Variants in CRTC1 observed in about 807,000 individuals in gnomAD.
CRTC1 encodes the protein CREB-regulated transcription coactivator 1.
Under a neutral mutation model 66.1 loss-of-function variants are expected in CRTC1, and 18 were observed. The ratio of observed to expected loss-of-function variants is 0.27; its 90% CI spans 0.19 to 0.40. The LOEUF is 0.40. Among genes scored for constraint, CRTC1 ranks in the 10% least tolerant of loss-of-function variants. The pLI is 1.00. For missense variants in CRTC1, 669 were observed against 887.9 expected (o/e 0.75, Z 3.13); for synonymous variants, 416 against 398.8 (o/e 1.04, Z -0.51).
chr19:18,714,168 G>A (rs2053453909), intron 1 of CRTC1, among the ~76,000 whole-genome samples: 1 of 152,212 alleles, frequency 6.6e-6, no homozygotes, highest in African/African-American at 2.4e-5. Context: ...GCTAGGGTTT[G>A]GGGTGCCCCA....
chr19:18,737,510 A>T (rs999308722), intron 1 of CRTC1, among the ~76,000 whole-genome samples: 1 of 152,064 alleles, frequency 6.6e-6, no homozygotes, highest in Non-Finnish European at 1.5e-5. Flanking sequence ...CAGTTTTCCC[A>T]TCTGGAGAGT....
At chr19:18,719,925 C>T (rs904021503) in intron 1 of CRTC1, among the ~76,000 whole-genome samples, 7 of 152,222 alleles carry the variant, frequency 4.6e-5, no homozygotes, top group African/African-American at 9.6e-5. Context: ...TGGGCAGCGT[C>T]GGCGTCGGGC....
At chr19:18,773,918 G>C (rs1303876946) in intron 11 of CRTC1, among the ~76,000 whole-genome samples, 1 of 152,174 alleles carries the variant, frequency 6.6e-6, no homozygotes, top group Non-Finnish European at 1.5e-5. Context: ...GGAACAAAGG[G>C]GATCTCTCTA....
At position 18,741,920 on chromosome 19, in the gene CRTC1, C is replaced by T. The variant is rs1025922727; in HGVS notation, c.127-990C>T. Among the ~76,000 whole-genome samples the T allele has an allele frequency of 1.3e-5, 2 of 152,098 alleles. No individual in the cohort carries two copies. The highest frequency in any genetic ancestry group is 4.8e-5 in the African/African-American group (2 of 41,414). On this transcript the variant is annotated intron_variant, in intron 1 of 13. Transcript: ENST00000321949. The surrounding 1 kb of genome is among the most constrained non-coding windows in gnomAD (Gnocchi z 4.2). ...GGGGCAGCCAGCTCTCCACGCACTGCCAGGAGCTGTTTGTAAGGAACGAGT... is the reference window on the plus strand; with the variant it reads ...GGGGCAGCCAGCTCTCCACGCACTGTCAGGAGCTGTTTGTAAGGAACGAGT...
At chr19:18,752,929 C>T (rs941952926) in intron 5 of CRTC1, among the ~76,000 whole-genome samples, 10 of 151,826 alleles carry the variant, frequency 6.6e-5, no homozygotes, top group Non-Finnish European at 8.8e-5. Context: ...TGAGCCACCA[C>T]GCCCAGCCTA....
chr19:18,725,881 C>T (rs1268518106), intron 1 of CRTC1, among the ~76,000 whole-genome samples: 3 of 152,230 alleles, frequency 2.0e-5, no homozygotes, highest in African/African-American at 4.8e-5. Context: ...CCGGGGCTGC[C>T]GGTCACCCTG....
At chr19:18,753,062 G>A (rs1372831212) in intron 5 of CRTC1, among the ~76,000 whole-genome samples, 2 of 151,664 alleles carry the variant, frequency 1.3e-5, no homozygotes, top group Admixed American at 6.5e-5. Flanking sequence ...TCAGGAGATC[G>A]AGACCATCCT....
At chr19:18,745,675 A>G in intron 2 of CRTC1, 148 bp from the exon 3 acceptor site, 11 of 1,010,340 alleles carry the variant, frequency 1.1e-5, no homozygotes, top group Non-Finnish European at 1.7e-5. Context: ...GGCTGAAGGA[A>G]GAAGCCCATC....
rs757983750 is a variant in CRTC1, at chr19:18,747,133, C to T, written c.443+19C>T. The T allele has an allele frequency of 6.1e-6, 5 of 815,104 alleles. No homozygotes were observed. The highest frequency in any genetic ancestry group is 2.0e-5 in the Admixed American group (1 of 49,684). The allele number at this position is 815,104 out of a possible 1,614,324, so 50.5% of individuals were successfully genotyped here. On this transcript the variant is annotated intron_variant, in intron 4 of 13. Transcript: ENST00000321949. ...GGAGAAGGTCAGTGGCTGGACACCC[C>T]CCCCCCGCCCCCTTCTTGTTGGAAA...
intron 1 of CRTC1, among the ~76,000 whole-genome samples, chr19:18,702,200 G>A (rs1483140342): frequency 6.6e-6 from 1 of 151,452 alleles, no homozygotes. Flanking sequence ...TGGCATTACA[G>A]GCGTGAGCCA....
At position 18,690,187 on chromosome 19, in the gene CRTC1, C is replaced by A. The variant is rs570700682; in HGVS notation, c.126+6359C>A. Among the ~76,000 whole-genome samples, 6 of 152,116 alleles carry A rather than the reference C, an allele frequency of 3.9e-5. No homozygotes were observed. In the East Asian group the frequency reaches 1.2e-3, roughly 29 times the overall value. ...CATTGATGACCTCAGACAGCAACAC[C>A]TGGGCCAGAAAAAGTACCCAGGCAA... On this transcript the variant is annotated intron_variant, in intron 1 of 13. Coordinates refer to ENST00000321949, the MANE Select transcript of CRTC1 (RefSeq NM_015321.3).
At position 18,740,082 on chromosome 19, in the gene CRTC1, G is replaced by A. The variant is rs550638987; in HGVS notation, c.127-2828G>A. Among the ~76,000 whole-genome samples the A allele has an allele frequency of 2.6e-5, 4 of 151,980 alleles. 1 individual carries two copies. The highest frequency in any genetic ancestry group is 4.2e-4 in the South Asian group (2 of 4,808). On this transcript the variant is annotated intron_variant, in intron 1 of 13. Coordinates refer to ENST00000321949, the MANE Select transcript of CRTC1 (RefSeq NM_015321.3). The stretch of plus-strand genomic sequence containing the variant: ...AGCCTGGCCAACGTGGTGAAACTCC[G>A]TCTCTACTAAAAATACAAAAATTAG...
chr19:18,732,092 C>G (rs572526732), intron 1 of CRTC1, among the ~76,000 whole-genome samples: 47 of 152,326 alleles, frequency 3.1e-4, no homozygotes, highest in Non-Finnish European at 5.7e-4. Context: ...TGATGCTGGG[C>G]CCCCAGGGGC....
intron 1 of CRTC1, among the ~76,000 whole-genome samples, chr19:18,716,278 A>G (rs182960289): frequency 6.6e-6 from 1 of 150,568 alleles, no homozygotes; most frequent in East Asian, 2.0e-4. Context: ...TTTGAGACGC[A>G]ATCTTGCTCT....
intron 1 of CRTC1, among the ~76,000 whole-genome samples, chr19:18,700,981 G>A (rs2053123075): frequency 6.6e-6 from 1 of 152,258 alleles, no homozygotes; most frequent in Non-Finnish European, 1.5e-5. Context: ...CCAGGCAGGC[G>A]AGATTGGTGG....
In CRTC1 at chr19:18,770,804, G is replaced by A. The variant is rs1286109332; in HGVS notation, c.1321-638G>A. ...GGTGTGTGAATATATGTGTGTGTGG[G>A]TGTGTACATGCGTGGGTGTGTCCAT... On this transcript the variant is annotated intron_variant, in intron 10 of 13. Coordinates refer to ENST00000321949, the MANE Select transcript of CRTC1 (RefSeq NM_015321.3). 2.0e-5 allele frequency among the ~76,000 whole-genome samples: 3 copies of A among 151,572 alleles called. No homozygotes were observed. In the East Asian group the frequency reaches 5.8e-4, roughly 29 times the overall value.
At chr19:18,733,836 C>G (rs2053941039) in intron 1 of CRTC1, among the ~76,000 whole-genome samples, 1 of 152,222 alleles carries the variant, frequency 6.6e-6, no homozygotes. Flanking sequence ...GAGGGGCTGG[C>G]TGGGCGCGGT....
chr19:18,777,824 TC>T lies in CRTC1; in HGVS notation c.*445del. 3.5e-6 allele frequency: 1 copy of T among 289,018 alleles called. No homozygotes were observed. Among genetic ancestry groups the T allele is most frequent in the Non-Finnish European group, 6.5e-6 (1 of 153,836 alleles). The allele number at this position is 289,018 out of a possible 1,614,324, so 17.9% of individuals were successfully genotyped here. On this transcript the variant is annotated 3_prime_UTR_variant, in exon 14 of 14. Transcript: ENST00000321949. This position sits in a 1 kb window ranked among gnomAD's most constrained non-coding sequence, Gnocchi z 5.5. ...TCCAGCTCTCACTGCCTTCCTTGGTTCCCGGTCCCCCAGCCCATCCGCCATC... is the reference window on the plus strand; with the variant it reads ...TCCAGCTCTCACTGCCTTCCTTGGTTCCGGTCCCCCAGCCCATCCGCCATC...
At chr19:18,759,524 C>G (rs781283794) in intron 6 of CRTC1, 27 bp from the exon 7 acceptor site, 1 of 1,610,124 alleles carries the variant, frequency 6.2e-7, no homozygotes, top group Non-Finnish European at 8.5e-7. Flanking sequence ...TGCCCCAGGG[C>G]TCAGGCTCTC....
Sources: gnomAD v4.1 joint callset for allele counts (sites outside exome capture counted in the v4.1 genomes callset) on GRCh38, gnomAD v4.1.1 for gene constraint, Gnocchi (gnomAD v3.1) non-coding constraint, MANE v1.5 for transcripts, NCBI Gene and HGNC (gene_info 2026-07-23, HGNC 2026-07-21) for gene names.